The following SNRPD3 variants were observed in gnomAD, a reference collection of about 807,000 sequenced individuals.
SNRPD3 encodes the protein small nuclear ribonucleoprotein D3 polypeptide.
For missense variants in SNRPD3, 73 were observed against 167.5 expected, an observed-to-expected ratio of 0.44 and a Z score of 3.11; for synonymous variants, 66 against 58.4, an observed-to-expected ratio of 1.13 and a Z score of -0.59.
At chr22:24,571,817 A>AG in intron 3 of SNRPD3, 99 bp from the exon 4 acceptor site, 1 of 1,206,140 alleles carries the variant, frequency 8.3e-7, no homozygotes, top group Non-Finnish European at 1.2e-6. Context: ...GTAACCCTTC[A>AG]GAACCCTTCT....
rs964558659 is a variant in SNRPD3, at chr22:24,574,748, C to T, written c.*2771C>T. ...GTAGAGACAGGGTTTTGCCATGTTG[C>T]CCAAGCTGGTCTTGAACTCCGGGGC... On this transcript the variant is annotated 3_prime_UTR_variant, in exon 4 of 4. Transcript: ENST00000215829. Among the ~76,000 whole-genome samples the T allele has an allele frequency of 1.3e-5, 2 of 152,042 alleles. No homozygotes were observed. The highest frequency in any genetic ancestry group is 2.9e-5 in the Non-Finnish European group (2 of 67,992).
intron 2 of SNRPD3, among the ~76,000 whole-genome samples, chr22:24,561,362 C>T (rs773076507): frequency 1.3e-5 from 2 of 152,144 alleles, no homozygotes; most frequent in Non-Finnish European, 2.9e-5. Flanking sequence ...GCATGAGCCA[C>T]CACATCTGGC....
intron 2 of SNRPD3, among the ~76,000 whole-genome samples, chr22:24,566,749 A>G (rs960878517): frequency 3.1e-4 from 47 of 152,248 alleles, no homozygotes; most frequent in African/African-American, 1.1e-3. Context: ...GGTTCATACA[A>G]TAAGCTGCTT....
chr22:24,564,884 ATT>A (rs1208151174), intron 2 of SNRPD3, among the ~76,000 whole-genome samples: 2,584 of 143,624 alleles, frequency 0.018, 64 homozygotes, highest in African/African-American at 0.064. Context: ...TGCCTTGTTC[ATT>A]TTTTTTTTTT....
intron 1 of SNRPD3, among the ~76,000 whole-genome samples, chr22:24,556,366 GTT>G (rs1381490390): frequency 1.8e-5 from 1 of 56,400 alleles, no homozygotes; most frequent in African/African-American, 6.5e-5. Context: ...AATCCTATGA[GTT>G]TTTTTTTGTT....
intron 2 of SNRPD3, among the ~76,000 whole-genome samples, chr22:24,560,564 C>CCTCCTGAG (rs1311026329): frequency 6.7e-6 from 1 of 149,268 alleles, no homozygotes; most frequent in Admixed American, 6.8e-5. Context: ...CATGCCTCAG[C>CCTCCTGAG]CTCCTGAGTA....
intron 2 of SNRPD3, among the ~76,000 whole-genome samples, chr22:24,560,854 T>C (rs933852208): frequency 1.3e-5 from 2 of 150,860 alleles, no homozygotes; most frequent in Non-Finnish European, 2.9e-5. Flanking sequence ...CTCAGCCTCC[T>C]GAGTAGCTGG....
chr22:24,566,091 A>G (rs1214144451), intron 2 of SNRPD3, among the ~76,000 whole-genome samples: 2 of 152,180 alleles, frequency 1.3e-5, no homozygotes, highest in Admixed American at 1.3e-4. Context: ...AGGATTGGTA[A>G]GGACTTGGGA....
In SNRPD3 at chr22:24,574,192, G is replaced by T. The variant is rs557288549; in HGVS notation, c.*2215G>T. 4.6e-5 allele frequency among the ~76,000 whole-genome samples: 7 copies of T among 152,066 alleles called. No individual in the cohort carries two copies. The highest frequency in any genetic ancestry group is 7.4e-5 in the Non-Finnish European group (5 of 68,022). On this transcript the variant is annotated 3_prime_UTR_variant, in exon 4 of 4. Coordinates refer to ENST00000215829, the MANE Select transcript of SNRPD3 (RefSeq NM_004175.5). ...GAACTGCATCCTCGATATCAAAAGC[G>T]ACTTTTGATGTAGTTCACTCTGGAC...
At chr22:24,568,397 G>A (rs1343026928) in intron 3 of SNRPD3, among the ~76,000 whole-genome samples, 8 of 151,352 alleles carry the variant, frequency 5.3e-5, no homozygotes, top group Non-Finnish European at 7.4e-5. Context: ...GCTGGAGTGC[G>A]ATGGTGTGAT....
At chr22:24,563,872 A>G (rs2045171108) in intron 2 of SNRPD3, among the ~76,000 whole-genome samples, 1 of 152,196 alleles carries the variant, frequency 6.6e-6, no homozygotes, top group South Asian at 2.1e-4. Flanking sequence ...TGAGAACCCA[A>G]AAGAAGCTCT....
In SNRPD3 at chr22:24,565,305, A is replaced by T. The variant is rs544354946; in HGVS notation, c.127-2679A>T. Among the ~76,000 whole-genome samples the T allele has an allele frequency of 1.5e-4, 23 of 152,044 alleles. 1 individual carries two copies. Among genetic ancestry groups the T allele is most frequent in the Non-Finnish European group, 1.5e-4 (10 of 68,010 alleles). The stretch of plus-strand genomic sequence containing the variant: ...GGTGTGACCTCAAGCAGGAGAATAG[A>T]GGGAAAGGGCATGGGTTTCTGGGGA... On this transcript the variant is annotated intron_variant, in intron 2 of 3. Coordinates refer to ENST00000215829, the MANE Select transcript of SNRPD3 (RefSeq NM_004175.5).
chr22:24,570,824 T>C (rs1377043398), intron 3 of SNRPD3, among the ~76,000 whole-genome samples: 2 of 90,786 alleles, frequency 2.2e-5, no homozygotes, highest in Non-Finnish European at 4.2e-5. Context: ...TCTTTTTTTT[T>C]TTTTTTTTTT....
At position 24,562,437 on chromosome 22, in the gene SNRPD3, G is replaced by A. The variant is rs1209421863; in HGVS notation, c.126+4637G>A. On this transcript the variant is annotated intron_variant, in intron 2 of 3. Coordinates refer to ENST00000215829, the MANE Select transcript of SNRPD3 (RefSeq NM_004175.5). ...CGGGCGCCTGTAGTCCCAGCTACTC[G>A]GGAGGCTGAGGCAGGAGAATGGCGT... Among the ~76,000 whole-genome samples, 4 of 152,222 alleles carry A rather than the reference G, an allele frequency of 2.6e-5. No individual in the cohort carries two copies. The East Asian group carries it at 5.8e-4, about 22-fold the overall frequency.
intron 2 of SNRPD3, among the ~76,000 whole-genome samples, chr22:24,558,804 C>T (rs188976847): frequency 2.0e-5 from 3 of 152,270 alleles, no homozygotes; most frequent in East Asian, 3.9e-4. Flanking sequence ...TAGCATGGGG[C>T]AGAAATGGGC....
chr22:24,555,697 G>A (rs1045593323), upstream of SNRPD3: 6 of 1,550,526 alleles, frequency 3.9e-6, no homozygotes, highest in African/African-American at 6.8e-5. Flanking sequence ...CCGGTCTGAG[G>A]GCCCAAGCCC....
Position 24,572,486 on chromosome 22 carries a change from G to A in SNRPD3, c.*509G>A, listed in dbSNP as rs553573129. 1.5e-4 allele frequency: 38 copies of A among 247,604 alleles called. No individual in the cohort carries two copies. The South Asian group carries it at 1.9e-3, about 13-fold the overall frequency. 15.3% of individuals were successfully genotyped at this position (247,604 alleles called of 1,614,324 possible). A position where few individuals can be genotyped will look rare whatever the true frequency, so the allele number is the denominator to read the frequency against. On this transcript the variant is annotated 3_prime_UTR_variant, in exon 4 of 4. Coordinates refer to ENST00000215829, the MANE Select transcript of SNRPD3 (RefSeq NM_004175.5). ...AAAGTCATAGGTAATTCAGGGGCTG[G>A]GTGCGGCGGCTCACGCATGTAATCC...
chr22:24,568,013 T>C lies in SNRPD3; in HGVS notation c.156T>C (p.Asp52=), dbSNP rs2045212522. 1 of 1,611,044 alleles carries C rather than the reference T, an allele frequency of 6.2e-7. No homozygotes were observed. The highest frequency in any genetic ancestry group is 8.5e-7 in the Non-Finnish European group (1 of 1,178,930). The part of the protein sequence containing the change: ...QMSNITVTYR[D]GRVAQLEQVY... ...CCAACATCACAGTCACATACAGAGA[T>C]GGCCGAGTGGCACAGCTGGAGCAGG... is the stretch of plus-strand genomic sequence containing the variant. The change falls in exon 3 of 4, where the codon GAT becomes GAC. Residue 52 remains aspartate, a synonymous_variant. Transcript: ENST00000215829.
chr22:24,568,266 G>C, intron 3 of SNRPD3, 90 bp downstream of exon 3: 3 of 999,318 alleles, frequency 3.0e-6, no homozygotes, highest in Middle Eastern at 2.5e-4. Context: ...GACAGAGAGG[G>C]TTTGACCTCT....
Sources: allele counts gnomAD v4.1 joint callset (sites outside exome capture counted in the v4.1 genomes callset), GRCh38; gene constraint gnomAD v4.1.1; transcripts MANE v1.5; gene names NCBI Gene and HGNC (gene_info 2026-07-23, HGNC 2026-07-21).